Variants in ADGRL3 observed in about 807,000 individuals in gnomAD.
ADGRL3 encodes the protein adhesion G protein-coupled receptor L3.
In ADGRL3, 62 loss-of-function variants were observed where a neutral mutation model predicts 153.5. That is an observed-to-expected ratio of 0.40 (90% CI 0.33 to 0.50). ADGRL3 has a LOEUF of 0.50. Ranked by LOEUF, ADGRL3 falls within the 20% of genes least tolerant of loss-of-function variation. The pLI, the probability that ADGRL3 is intolerant of heterozygous loss-of-function variation, is 0.47. For synonymous variants in ADGRL3, 710 were observed against 672.5 expected, an observed-to-expected ratio of 1.06 and a Z score of -0.86; for missense variants, 1,641 against 1,859.4, an observed-to-expected ratio of 0.88 and a Z score of 2.16.
At chr4:61,865,927 T>G (rs962107062) in intron 9 of ADGRL3, among the ~76,000 whole-genome samples, 1 of 152,212 alleles carries the variant, frequency 6.6e-6, no homozygotes, top group Non-Finnish European at 1.5e-5. Flanking sequence ...AATGGTAGTA[T>G]AAGTGATTTC....
In ADGRL3 at chr4:61,666,712, C is replaced by T. The variant is rs527781019; in HGVS notation, c.474-10114C>T. ...TATATAAGGTGCGTATAACATATTG[C>T]TCCCTTATATTAGGTGAAAATAAGC... On this transcript the variant is annotated intron_variant, in intron 5 of 26. Transcript: ENST00000683033. Among the ~76,000 whole-genome samples, 5 of 152,150 alleles carry T rather than the reference C, an allele frequency of 3.3e-5. No homozygotes were observed. In the East Asian group the frequency reaches 7.7e-4, roughly 23 times the overall value.
In ADGRL3 at chr4:61,236,790, T is replaced by C. The variant is rs935799493; in HGVS notation, c.-240+35025T>C. ...CATGAAGTTGTTATTCATTTCTTAA[T>C]TCGATAAAGCGAATTAGAGCTAAGT... On this transcript the variant is annotated intron_variant, in intron 1 of 26. Transcript: ENST00000683033. Among the ~76,000 whole-genome samples the C allele has an allele frequency of 1.2e-4, 19 of 152,290 alleles. 1 individual carries two copies. Among genetic ancestry groups the C allele is most frequent in the Middle Eastern group, 6.8e-3 (2 of 294 alleles).
chr4:61,517,421 T>G lies in ADGRL3; in HGVS notation c.162T>G (p.Ala54=), dbSNP rs1363013173. ...CCAGACATCTGCTTCAGCAGCCAGC[T>G]GCAGAGCGCACCGCTGCTCATCGTG... ...LPPRHLLQQP[A]AERTAAHRGQ... is the part of the protein sequence containing the mutation. Residue 54 remains alanine (A), a synonymous_variant, in exon 4 of 27, where the codon GCT becomes GCG. Transcript: ENST00000683033. 1 of 787,266 alleles carries G rather than the reference T, an allele frequency of 1.3e-6. No individual in the cohort carries two copies. Among genetic ancestry groups the G allele is most frequent in the Non-Finnish European group, 2.2e-6 (1 of 462,172 alleles). The allele number at this position is 787,266 out of a possible 1,614,324, so 48.8% of individuals were successfully genotyped here. A position where few individuals can be genotyped will look rare whatever the true frequency, so the allele number is the denominator to read the frequency against.
intron 8 of ADGRL3, among the ~76,000 whole-genome samples, chr4:61,792,739 C>T (rs567220302): frequency 6.6e-6 from 1 of 152,054 alleles, no homozygotes; most frequent in Non-Finnish European, 1.5e-5. Flanking sequence ...CTGCCCGCCT[C>T]AGCCTCCCAA....
intron 1 of ADGRL3, among the ~76,000 whole-genome samples, chr4:61,358,014 G>A (rs957910913): frequency 6.6e-6 from 1 of 152,106 alleles, no homozygotes; most frequent in Non-Finnish European, 1.5e-5. Context: ...GTAGTTACGA[G>A]GGTGAAAGTT....
intron 9 of ADGRL3, among the ~76,000 whole-genome samples, chr4:61,820,867 C>T (rs557407605): frequency 6.6e-6 from 1 of 152,162 alleles, no homozygotes; most frequent in Non-Finnish European, 1.5e-5. Flanking sequence ...TGCCTCCTGA[C>T]TACTCACATG....
chr4:61,269,141 C>G (rs1331303133), intron 1 of ADGRL3, among the ~76,000 whole-genome samples: 1 of 151,688 alleles, frequency 6.6e-6, no homozygotes, highest in African/African-American at 2.4e-5. Flanking sequence ...GTAAGTCTCT[C>G]TGTTCATTAT....
chr4:61,531,296 T>G (rs1212174960), intron 4 of ADGRL3, among the ~76,000 whole-genome samples: 2 of 152,182 alleles, frequency 1.3e-5, no homozygotes, highest in Admixed American at 6.5e-5. Flanking sequence ...TGTTTTGTTC[T>G]GTTTTCGCCT....
intron 6 of ADGRL3, among the ~76,000 whole-genome samples, chr4:61,692,724 C>A (rs2095563385): frequency 6.6e-6 from 1 of 152,104 alleles, no homozygotes; most frequent in Admixed American, 6.6e-5. Flanking sequence ...AGGCATAAGC[C>A]ACCACGCCTG....
At chr4:61,284,219 G>C (rs1366024074) in intron 1 of ADGRL3, among the ~76,000 whole-genome samples, 1 of 151,920 alleles carries the variant, frequency 6.6e-6, no homozygotes, top group Non-Finnish European at 1.5e-5. Flanking sequence ...GCCTTCTAAG[G>C]TGAGAGATAC....
chr4:61,468,594 A>G (rs1579033559), intron 2 of ADGRL3, among the ~76,000 whole-genome samples: 1 of 152,164 alleles, frequency 6.6e-6, no homozygotes, highest in South Asian at 2.1e-4. Flanking sequence ...ATAGCATCTT[A>G]TGAATGTGTA....
At chr4:61,925,923 T>C (rs933511341) in intron 13 of ADGRL3, among the ~76,000 whole-genome samples, 4 of 152,334 alleles carry the variant, frequency 2.6e-5, no homozygotes, top group Non-Finnish European at 5.9e-5. Context: ...CCAGTGAGGA[T>C]ACATTCCGAG....
At chr4:61,839,777 C>T (rs1045444791) in intron 9 of ADGRL3, among the ~76,000 whole-genome samples, 1 of 150,460 alleles carries the variant, frequency 6.6e-6, no homozygotes, top group African/African-American at 2.4e-5. Context: ...CTGCCCACCC[C>T]TCCCCCCGAA....
intron 2 of ADGRL3, among the ~76,000 whole-genome samples, chr4:61,441,988 T>C: frequency 6.6e-6 from 1 of 152,220 alleles, no homozygotes; most frequent in East Asian, 1.9e-4. Flanking sequence ...TACAAAGTAG[T>C]ACTCATCTCA....
intron 9 of ADGRL3, among the ~76,000 whole-genome samples, chr4:61,855,221 G>T (rs1218581170): frequency 2.0e-5 from 3 of 152,148 alleles, no homozygotes; most frequent in Non-Finnish European, 2.9e-5. Context: ...CTGAATGCTG[G>T]CTCTAGGGAA....
chr4:61,615,981 T>G (rs1178376083), intron 5 of ADGRL3, among the ~76,000 whole-genome samples: 1 of 152,064 alleles, frequency 6.6e-6, no homozygotes, highest in African/African-American at 2.4e-5. Flanking sequence ...TCTAAGAACA[T>G]ACATTTCAAT....
At chr4:61,640,106 T>A (rs2093598270) in intron 5 of ADGRL3, among the ~76,000 whole-genome samples, 1 of 152,056 alleles carries the variant, frequency 6.6e-6, no homozygotes, top group South Asian at 2.1e-4. Flanking sequence ...TCAGCAGCCT[T>A]ACTACTTAGA....
chr4:61,622,436 C>T (rs2149855447), intron 5 of ADGRL3, among the ~76,000 whole-genome samples: 1 of 152,242 alleles, frequency 6.6e-6, no homozygotes, highest in East Asian at 1.9e-4. Flanking sequence ...ACATTCTCAT[C>T]ATTGCCTCCC....
chr4:61,957,447 G>C (rs186808105), intron 17 of ADGRL3, among the ~76,000 whole-genome samples: 2 of 151,986 alleles, frequency 1.3e-5, no homozygotes, highest in East Asian at 3.9e-4. Flanking sequence ...CCATCTCATA[G>C]TCCATAAATA....
Sources: gnomAD v4.1 joint callset for allele counts (sites outside exome capture counted in the v4.1 genomes callset) on GRCh38, gnomAD v4.1.1 for gene constraint, MANE v1.5 for transcripts, NCBI Gene and HGNC (gene_info 2026-07-23, HGNC 2026-07-21) for gene names.